Variants in FBXO15 observed in about 807,000 individuals in gnomAD.
FBXO15 encodes F-box only protein 15.
In FBXO15, 30 loss-of-function variants were observed where a neutral mutation model predicts 49.5. That is an observed-to-expected ratio of 0.61 (90% CI 0.45 to 0.82). The LOEUF (loss-of-function observed/expected upper bound fraction) is 0.82, where lower values mean the gene tolerates loss of function less well. Among genes scored for constraint, FBXO15 ranks in the 40% least tolerant of loss-of-function variants. The pLI is 0.00. For synonymous variants in FBXO15, 250 were observed against 232.7 expected (o/e 1.07, Z -0.68); for missense variants, 591 against 631.5 (o/e 0.94, Z 0.69).
chr18:74,106,261 T>C (rs1192292428), intron 8 of FBXO15, among the ~76,000 whole-genome samples: 2 of 152,124 alleles, frequency 1.3e-5, no homozygotes, highest in Admixed American at 6.5e-5. Flanking sequence ...GAGTAGAACT[T>C]ACCATATTTA....
At chr18:74,091,310 G>A (rs142755025) in intron 8 of FBXO15, among the ~76,000 whole-genome samples, 20 of 152,176 alleles carry the variant, frequency 1.3e-4, no homozygotes, top group East Asian at 3.9e-4. Context: ...TGGGTGTCCC[G>A]AAGACAGCAA....
chr18:74,138,515 G>C (rs549598288), intron 2 of FBXO15, among the ~76,000 whole-genome samples: 11 of 151,968 alleles, frequency 7.2e-5, no homozygotes, highest in Non-Finnish European at 1.3e-4. Flanking sequence ...TCTCACTGCC[G>C]CAGGTCCTCC....
chr18:74,134,333 G>A (rs974769017), intron 3 of FBXO15, among the ~76,000 whole-genome samples: 4 of 151,550 alleles, frequency 2.6e-5, no homozygotes, highest in Middle Eastern at 3.5e-3. Context: ...TAGTTATTTC[G>A]GAACTTGACT....
At chr18:74,080,593 A>G (rs1912449626) in intron 9 of FBXO15, among the ~76,000 whole-genome samples, 1 of 152,232 alleles carries the variant, frequency 6.6e-6, no homozygotes, top group African/African-American at 2.4e-5. Flanking sequence ...GTAAAGGTCC[A>G]ATTTTGAAGC....
At chr18:74,143,661 A>C (rs566133746) in intron 1 of FBXO15, among the ~76,000 whole-genome samples, 1 of 152,378 alleles carries the variant, frequency 6.6e-6, no homozygotes, top group East Asian at 1.9e-4. Flanking sequence ...TAGAGTTAAC[A>C]ATGTCTAGTC....
chr18:74,100,521 C>G (rs1913469304), intron 8 of FBXO15, among the ~76,000 whole-genome samples: 1 of 151,738 alleles, frequency 6.6e-6, no homozygotes, highest in South Asian at 2.1e-4. Context: ...GAAAAAAGAA[C>G]AAACCAAACC....
chr18:74,133,284 G>A (rs1184253295), intron 3 of FBXO15, among the ~76,000 whole-genome samples: 1 of 152,174 alleles, frequency 6.6e-6, no homozygotes, highest in Non-Finnish European at 1.5e-5. Context: ...TTCCAAGAAA[G>A]TGAGGAGGGC....
intron 1 of FBXO15, among the ~76,000 whole-genome samples, chr18:74,144,725 G>C (rs1979300433): frequency 6.6e-6 from 1 of 152,064 alleles, no homozygotes; most frequent in African/African-American, 2.4e-5. Flanking sequence ...TTTCCCCAAA[G>C]CCTTTGTGTT....
intron 2 of FBXO15, among the ~76,000 whole-genome samples, chr18:74,136,107 C>T (rs192420254): frequency 2.6e-5 from 4 of 152,322 alleles, no homozygotes; most frequent in Admixed American, 1.3e-4. Flanking sequence ...CTAACTTCCT[C>T]AGCATTTTAA....
At chr18:74,087,486 C>T (rs548391054) in intron 8 of FBXO15, among the ~76,000 whole-genome samples, 38 of 152,192 alleles carry the variant, frequency 2.5e-4, no homozygotes, top group South Asian at 1.5e-3. Context: ...TAAGAACATA[C>T]GGTATTTTGT....
chr18:74,093,482 G>A (rs1053076255), intron 8 of FBXO15, among the ~76,000 whole-genome samples: 1 of 152,134 alleles, frequency 6.6e-6, no homozygotes, highest in African/African-American at 2.4e-5. Context: ...GCCAAGTTGG[G>A]GCCCTGGGAG....
intron 8 of FBXO15, among the ~76,000 whole-genome samples, chr18:74,085,548 G>A (rs1369972009): frequency 6.6e-6 from 1 of 152,130 alleles, no homozygotes; most frequent in Non-Finnish European, 1.5e-5. Flanking sequence ...AGCCGAGATC[G>A]CACCACTGCA....
chr18:74,110,832 T>A (rs1913992364), intron 8 of FBXO15, among the ~76,000 whole-genome samples: 1 of 152,168 alleles, frequency 6.6e-6, no homozygotes, highest in South Asian at 2.1e-4. Flanking sequence ...CACATACTGA[T>A]AAAGAGATCA....
rs1423917577 is a variant in FBXO15 at position 74,140,226 on chromosome 18, G to C, written c.203C>G (p.Ser68Cys). ...GGGQHWESSF[S>C]CCSGFLDGMP... ...CCCATCCAGGAACCCAGAACAGCAG[G>C]AGAAAGAGCTCTCCCAGTGCTGTCC... The change falls in exon 2 of 10, where the codon TCC (serine) becomes TGC (cysteine). Residue 68 changes from serine (S) to cysteine (C), a missense_variant. Physicochemically the swap from Ser to Cys is moderately radical, Grantham distance 112. Coordinates refer to ENST00000419743, the MANE Select transcript of FBXO15 (RefSeq NM_001142958.2). 5 of 1,551,346 alleles carry C rather than the reference G, an allele frequency of 3.2e-6. No individual in the cohort carries two copies. Among genetic ancestry groups the C allele is most frequent in the Middle Eastern group, 1.7e-4 (1 of 5,992 alleles).
chr18:74,084,362 TC>T (rs1172452527), intron 8 of FBXO15, among the ~76,000 whole-genome samples: 2 of 151,770 alleles, frequency 1.3e-5, no homozygotes, highest in Admixed American at 6.6e-5. Flanking sequence ...AAACCTGGAG[TC>T]GGAAATGAGC....
chr18:74,123,626 T>C (rs1013438012), intron 7 of FBXO15, 116 bp from the exon 8 acceptor site: 13 of 1,087,672 alleles, frequency 1.2e-5, no homozygotes, highest in African/African-American at 3.2e-5. Context: ...CTCCTACAAA[T>C]GAAACTCCAT....
chr18:74,137,003 A>C (rs1978764916), intron 2 of FBXO15, among the ~76,000 whole-genome samples: 3 of 152,228 alleles, frequency 2.0e-5, no homozygotes, highest in Admixed American at 1.3e-4. Context: ...GAAAATAATC[A>C]GTCCTATAAC....
intron 8 of FBXO15, among the ~76,000 whole-genome samples, chr18:74,087,546 T>A (rs1184817562): frequency 6.6e-6 from 1 of 152,190 alleles, no homozygotes; most frequent in Non-Finnish European, 1.5e-5. Context: ...TCCATCTATG[T>A]TGGTGTAAAG....
intron 1 of FBXO15, among the ~76,000 whole-genome samples, chr18:74,146,797 T>G (rs181111697): frequency 5.8e-4 from 89 of 152,214 alleles, no homozygotes; most frequent in African/African-American, 2.1e-3. Context: ...AACAAGTAGT[T>G]CAACTAGTAT....
Sources: allele counts gnomAD v4.1 joint callset (sites outside exome capture counted in the v4.1 genomes callset), GRCh38; gene constraint gnomAD v4.1.1; transcripts MANE v1.5; gene names NCBI Gene and HGNC (gene_info 2026-07-23, HGNC 2026-07-21).